Variants in NR3C2 observed in about 807,000 individuals in gnomAD.
NR3C2 encodes mineralocorticoid receptor.
NR3C2 carries 15 observed loss-of-function variants against 86.4 expected under a neutral mutation model. The observed-to-expected ratio is 0.17, with a 90% CI of 0.12 to 0.27. The LOEUF (loss-of-function observed/expected upper bound fraction) is 0.27. Among genes scored for constraint, NR3C2 ranks in the 10% least tolerant of loss-of-function variants. NR3C2 has a pLI of 1.00. For synonymous variants in NR3C2, 458 were observed against 450.5 expected (o/e 1.02, Z -0.21); for missense variants, 960 against 1,195.6 (o/e 0.80, Z 2.91).
intron 3 of NR3C2, among the ~76,000 whole-genome samples, chr4:148,215,547 T>C (rs1560982298): frequency 6.6e-6 from 1 of 152,204 alleles, no homozygotes; most frequent in African/African-American, 2.4e-5. Flanking sequence ...TGACCAAGGA[T>C]ATGCATTTGT....
rs1579188256 is a variant in NR3C2 at position 148,347,154 on chromosome 4, G to T, written c.1758-87037C>A. Among the ~76,000 whole-genome samples the T allele has an allele frequency of 2.0e-5, 3 of 152,188 alleles. No individual in the cohort carries two copies. The South Asian group carries it at 6.2e-4, about 32-fold the overall frequency. Reference sequence around the variant, plus strand: ...AGAAGAACAAATGGCTTCTGAAACAGGAATAAGTGAAAAATAACTATATTA... The same window carrying T: ...AGAAGAACAAATGGCTTCTGAAACATGAATAAGTGAAAAATAACTATATTA... On this transcript the variant is annotated intron_variant, in intron 2 of 8. Coordinates refer to ENST00000358102, the MANE Select transcript of NR3C2 (RefSeq NM_000901.5).
chr4:148,429,077 G>T (rs2126634228), intron 2 of NR3C2, among the ~76,000 whole-genome samples: 1 of 152,052 alleles, frequency 6.6e-6, no homozygotes, highest in South Asian at 2.1e-4. Context: ...TGCTCACAGA[G>T]CTCCCTCCTC....
intron 8 of NR3C2, among the ~76,000 whole-genome samples, chr4:148,086,234 A>G (rs945193361): frequency 5.3e-5 from 8 of 152,256 alleles, no homozygotes; most frequent in Admixed American, 2.6e-4. Flanking sequence ...CCTCAATAAA[A>G]TACGGGCAAA....
chr4:148,341,231 T>C (rs1440712912), intron 2 of NR3C2, among the ~76,000 whole-genome samples: 1 of 152,146 alleles, frequency 6.6e-6, no homozygotes, highest in African/African-American at 2.4e-5. Context: ...AACAGATGAA[T>C]GGATTTTTAA....
intron 2 of NR3C2, among the ~76,000 whole-genome samples, chr4:148,417,184 T>C (rs552164095): frequency 6.6e-6 from 1 of 152,350 alleles, no homozygotes; most frequent in Non-Finnish European, 1.5e-5. Flanking sequence ...GCTCTTATTA[T>C]GGAGATATCA....
intron 3 of NR3C2, among the ~76,000 whole-genome samples, chr4:148,220,107 G>A (rs1682636567): frequency 6.6e-6 from 1 of 150,834 alleles, no homozygotes; most frequent in Admixed American, 6.6e-5. Context: ...TTTCTTTTAA[G>A]ACCGGGTCTC....
At chr4:148,246,008 C>T (rs1739295855) in intron 3 of NR3C2, among the ~76,000 whole-genome samples, 1 of 151,938 alleles carries the variant, frequency 6.6e-6, no homozygotes, top group Non-Finnish European at 1.5e-5. Flanking sequence ...CTTAATTAGC[C>T]ATCCAATAAG....
At chr4:148,383,101 TA>T (rs1747083323) in intron 2 of NR3C2, among the ~76,000 whole-genome samples, 1 of 152,042 alleles carries the variant, frequency 6.6e-6, no homozygotes, top group African/African-American at 2.4e-5. Flanking sequence ...CTGAGAAAAA[TA>T]AAATATTCAC....
chr4:148,363,795 G>A (rs2358392), intron 2 of NR3C2, among the ~76,000 whole-genome samples: 29,809 of 151,900 alleles, frequency 0.2, 3,222 homozygotes, highest in Non-Finnish European at 0.24. Flanking sequence ...GAGCCACCGC[G>A]CCCAGCCGAC....
At chr4:148,126,507 G>A (rs1732753546) in intron 6 of NR3C2, among the ~76,000 whole-genome samples, 1 of 152,214 alleles carries the variant, frequency 6.6e-6, no homozygotes, top group Non-Finnish European at 1.5e-5. Flanking sequence ...TAGGTTTTCA[G>A]AAGGTAGAAA....
chr4:148,362,531 T>C (rs1745890842), intron 2 of NR3C2, among the ~76,000 whole-genome samples: 1 of 152,222 alleles, frequency 6.6e-6, no homozygotes, highest in African/African-American at 2.4e-5. Flanking sequence ...ACCTTCACAT[T>C]GGCTGTTCTA....
At chr4:148,370,346 T>C (rs1316538792) in intron 2 of NR3C2, among the ~76,000 whole-genome samples, 1 of 152,168 alleles carries the variant, frequency 6.6e-6, no homozygotes, top group Non-Finnish European at 1.5e-5. Context: ...GCAACCTCAC[T>C]GCACATCAGT....
At chr4:148,143,258 T>C (rs1733696840) in intron 6 of NR3C2, among the ~76,000 whole-genome samples, 2 of 152,182 alleles carry the variant, frequency 1.3e-5, no homozygotes, top group Admixed American at 1.3e-4. Context: ...AGGAGGCCAA[T>C]GTGGCTAACC....
chr4:148,341,155 T>C (rs112082647), intron 2 of NR3C2, among the ~76,000 whole-genome samples: 73 of 152,168 alleles, frequency 4.8e-4, no homozygotes, highest in African/African-American at 1.6e-3. Context: ...CCCATATTTA[T>C]TGCAGCACTA....
chr4:148,369,257 G>A (rs561847125), intron 2 of NR3C2, among the ~76,000 whole-genome samples: 168 of 152,230 alleles, frequency 1.1e-3, no homozygotes, highest in African/African-American at 3.8e-3. Flanking sequence ...GCTTCAAAAT[G>A]CTTGTTACAA....
intron 6 of NR3C2, among the ~76,000 whole-genome samples, chr4:148,144,772 G>C (rs1176341363): frequency 6.6e-6 from 1 of 152,192 alleles, no homozygotes; most frequent in Non-Finnish European, 1.5e-5. Flanking sequence ...TACTTTTGTA[G>C]TATAAAAACA....
Position 148,194,747 on chromosome 4 carries a change from T to C in NR3C2, c.2013A>G (p.Gly671=). 6.3e-7 allele frequency: 1 copy of C among 1,598,114 alleles called. No homozygotes were observed. The highest frequency in any genetic ancestry group is 8.6e-7 in the Non-Finnish European group (1 of 1,169,274). The change falls in exon 4 of 9, where the codon GGA becomes GGG. Residue 671 remains glycine (G), a splice_region_variant and synonymous_variant. Transcript: ENST00000358102. ...TTAAACTAAAAATACAAAACTTACC[T>C]CCTAAATTCATTCCAGCTTGAAGAC... ...QKCLQAGMNL[G]ARKSKKLGKL... is the part of the protein sequence containing the mutation.
At chr4:148,200,110 A>T (rs977887363) in intron 3 of NR3C2, among the ~76,000 whole-genome samples, 1 of 152,250 alleles carries the variant, frequency 6.6e-6, no homozygotes, top group Admixed American at 6.5e-5. Context: ...TTAAGTGTTC[A>T]GTAAGCAACT....
At chr4:148,160,098 A>G (rs1734589345) in intron 4 of NR3C2, among the ~76,000 whole-genome samples, 1 of 152,182 alleles carries the variant, frequency 6.6e-6, no homozygotes, top group African/African-American at 2.4e-5. Flanking sequence ...GGATGTTATA[A>G]TAACTAGTAT....
Sources: allele counts gnomAD v4.1 joint callset (sites outside exome capture counted in the v4.1 genomes callset), GRCh38; gene constraint gnomAD v4.1.1; transcripts MANE v1.5; gene names NCBI Gene and HGNC (gene_info 2026-07-23, HGNC 2026-07-21).